The following CORIN variants were observed in gnomAD, a reference collection of about 807,000 sequenced individuals.
CORIN encodes the protein atrial natriuretic peptide-converting enzyme.
Under a neutral mutation model 125.3 loss-of-function variants are expected in CORIN, and 117 were observed. That is an observed-to-expected ratio of 0.93 (90% CI 0.80 to 1.09). The LOEUF (loss-of-function observed/expected upper bound fraction) is 1.09. Among genes scored for constraint, CORIN ranks in the 50% least tolerant of loss-of-function variants. The pLI is 0.00. For synonymous variants in CORIN, 450 were observed against 466.4 expected, an observed-to-expected ratio of 0.96 and a Z score of 0.45; for missense variants, 1,253 against 1,306.7, an observed-to-expected ratio of 0.96 and a Z score of 0.63.
chr4:47,683,935 T>C, intron 6 of CORIN, 97 bp from the exon 7 acceptor site: 1 of 833,270 alleles, frequency 1.2e-6, no homozygotes. Flanking sequence ...AGGGACACCC[T>C]AATGGTAACC....
chr4:47,664,087 T>C (rs1462656340), intron 11 of CORIN, among the ~76,000 whole-genome samples: 1 of 152,238 alleles, frequency 6.6e-6, no homozygotes, highest in Non-Finnish European at 1.5e-5. Flanking sequence ...ACATATGGTT[T>C]CTGCAGTTGC....
intron 3 of CORIN, among the ~76,000 whole-genome samples, chr4:47,780,539 T>C (rs1341308222): frequency 6.6e-6 from 1 of 151,872 alleles, no homozygotes; most frequent in Non-Finnish European, 1.5e-5. Flanking sequence ...AGTAAGATCC[T>C]CCAAAAATCT....
Position 47,773,518 on chromosome 4 carries a change from A to C in CORIN, c.410-9932T>G, listed in dbSNP as rs115721886. 2.8e-3 allele frequency among the ~76,000 whole-genome samples: 421 copies of C among 152,350 alleles called. 4 individuals are homozygous for C. Among genetic ancestry groups the C allele is most frequent in the African/African-American group, 9.3e-3 (385 of 41,574 alleles). Reference sequence around the variant, plus strand: ...TCCTTAATGTATTTGTAAAAGGCTCATTTAAATAACGCTCTCTAATTCAGA... The same window carrying C: ...TCCTTAATGTATTTGTAAAAGGCTCCTTTAAATAACGCTCTCTAATTCAGA... On this transcript the variant is annotated intron_variant, in intron 3 of 21. Coordinates refer to ENST00000273857, the MANE Select transcript of CORIN (RefSeq NM_006587.4).
chr4:47,675,950 T>C (rs1219638940), intron 9 of CORIN, among the ~76,000 whole-genome samples: 1 of 151,896 alleles, frequency 6.6e-6, no homozygotes, highest in East Asian at 1.9e-4. Flanking sequence ...CAAGTCATGG[T>C]AAGAGGAAAG....
intron 1 of CORIN, among the ~76,000 whole-genome samples, chr4:47,807,848 A>G (rs148946087): frequency 6.6e-6 from 1 of 152,224 alleles, no homozygotes; most frequent in African/African-American, 2.4e-5. Context: ...CTGAGATGGT[A>G]CTAAAAGGGC....
intron 16 of CORIN, among the ~76,000 whole-genome samples, chr4:47,633,474 G>A (rs1010300398): frequency 4.6e-5 from 7 of 152,024 alleles, no homozygotes; most frequent in African/African-American, 1.7e-4. Flanking sequence ...AATATCATTT[G>A]AACATATATA....
In CORIN at chr4:47,641,939, A is replaced by G. The variant is rs1187419593; in HGVS notation, c.2179T>C (p.Cys727Arg). The G allele has an allele frequency of 6.2e-7, 1 of 1,613,348 alleles. No homozygotes were observed. The highest frequency in any genetic ancestry group is 8.5e-7 in the Non-Finnish European group (1 of 1,179,558). ...CCTTACCCTAAACCCATCTGCTTGC[A>G]GGCCAGCTGACTCAATATCTCCTGC... is the stretch of plus-strand genomic sequence containing the variant. The part of the protein sequence containing the change: ...GWQEILSQLA[C>R]KQMGLGEPSV... The change falls in exon 16 of 22, where the codon TGC becomes CGC. Residue 727 changes from cysteine to arginine, a missense_variant. Transcript: ENST00000273857.
intron 8 of CORIN, 115 bp from the exon 9 acceptor site, chr4:47,678,169 C>A: frequency 1.3e-6 from 1 of 757,496 alleles, no homozygotes; most frequent in Non-Finnish European, 2.4e-6. Context: ...GTGTTCTGCA[C>A]ACACAAATGA....
chr4:47,794,628 G>A (rs183060050), intron 2 of CORIN, among the ~76,000 whole-genome samples: 3 of 152,244 alleles, frequency 2.0e-5, no homozygotes, highest in Admixed American at 6.5e-5. Context: ...GAAAAAGTCA[G>A]GAGAATTCTA....
intron 19 of CORIN, among the ~76,000 whole-genome samples, chr4:47,623,247 C>T (rs1722407020): frequency 6.6e-6 from 1 of 151,894 alleles, no homozygotes; most frequent in African/African-American, 2.4e-5. Flanking sequence ...TAAATCACTT[C>T]TGTTTAAGTT....
chr4:47,804,904 A>G (rs916400524), intron 2 of CORIN, among the ~76,000 whole-genome samples: 1 of 151,934 alleles, frequency 6.6e-6, no homozygotes, highest in African/African-American at 2.4e-5. Flanking sequence ...TGGGAGGCCG[A>G]GACGGGTGGA....
intron 3 of CORIN, among the ~76,000 whole-genome samples, chr4:47,772,012 C>A (rs938221876): frequency 6.6e-6 from 1 of 152,098 alleles, no homozygotes; most frequent in South Asian, 2.1e-4. Flanking sequence ...CTAGACTAAA[C>A]GCTTTTTAAT....
At chr4:47,681,187 T>C (rs1019499580) in intron 7 of CORIN, 1 of 152,210 alleles carries the variant, frequency 6.6e-6, no homozygotes, top group Admixed American at 6.5e-5. Flanking sequence ...AACAGTGCCA[T>C]GGTCATAGAC....
chr4:47,729,184 C>A (rs1727739714), intron 5 of CORIN, among the ~76,000 whole-genome samples: 1 of 152,094 alleles, frequency 6.6e-6, no homozygotes, highest in African/African-American at 2.4e-5. Flanking sequence ...TTCTCGTGGT[C>A]ACAGATCAAA....
At chr4:47,719,987 T>C (rs1727275002) in intron 5 of CORIN, among the ~76,000 whole-genome samples, 1 of 152,208 alleles carries the variant, frequency 6.6e-6, no homozygotes, top group Non-Finnish European at 1.5e-5. Context: ...TCGGTTGTAG[T>C]AGTATAGGGG....
intron 2 of CORIN, among the ~76,000 whole-genome samples, chr4:47,798,710 T>C (rs1047650484): frequency 2.0e-5 from 3 of 152,164 alleles, no homozygotes; most frequent in Non-Finnish European, 4.4e-5. Context: ...AATTTCAACT[T>C]TTATTTTGGA....
At chr4:47,799,138 T>C (rs1423969617) in intron 2 of CORIN, among the ~76,000 whole-genome samples, 1 of 151,818 alleles carries the variant, frequency 6.6e-6, no homozygotes, top group African/African-American at 2.4e-5. Flanking sequence ...TGTGTGTGTG[T>C]GTGTGTGTAT....
chr4:47,757,878 G>GTACA (rs1729239402), intron 4 of CORIN, among the ~76,000 whole-genome samples: 1 of 123,926 alleles, frequency 8.1e-6, no homozygotes, highest in Non-Finnish European at 1.6e-5. Context: ...ATATATATAT[G>GTACA]TATATATATA....
chr4:47,681,382 G>C (rs1387283806), intron 7 of CORIN: 1 of 152,228 alleles, frequency 6.6e-6, no homozygotes, highest in Non-Finnish European at 1.5e-5. Flanking sequence ...ATTAGATGGA[G>C]ACAACTGGCA....
Sources: gnomAD v4.1 joint callset for allele counts (sites outside exome capture counted in the v4.1 genomes callset) on GRCh38, gnomAD v4.1.1 for gene constraint, MANE v1.5 for transcripts, NCBI Gene and HGNC (gene_info 2026-07-23, HGNC 2026-07-21) for gene names.